Variants in SORCS1 observed in about 807,000 individuals in gnomAD.
SORCS1 encodes the protein sortilin related VPS10 domain containing receptor 1.
SORCS1 carries 60 observed loss-of-function variants against 146.1 expected under a neutral mutation model. The ratio of observed to expected loss-of-function variants is 0.41; its 90% CI spans 0.33 to 0.51. SORCS1 has a LOEUF of 0.51. SORCS1 is among the 20% of genes least tolerant of loss of function. The probability of loss-of-function intolerance (pLI) is 0.21; values close to 1 mark genes in which losing one functional copy is unlikely to be tolerated. For synonymous variants in SORCS1, 637 were observed against 584.0 expected, an observed-to-expected ratio of 1.09 and a Z score of -1.31; for missense variants, 1,352 against 1,487.6, an observed-to-expected ratio of 0.91 and a Z score of 1.50.
chr10:106,605,078 G>A (rs1303640441), intron 23 of SORCS1, among the ~76,000 whole-genome samples: 2 of 152,232 alleles, frequency 1.3e-5, no homozygotes, highest in Admixed American at 6.5e-5. Flanking sequence ...TTCTACATGT[G>A]TGCCAATTCT....
At chr10:107,121,196 C>T (rs1429593728) in intron 1 of SORCS1, among the ~76,000 whole-genome samples, 1 of 152,138 alleles carries the variant, frequency 6.6e-6, no homozygotes, top group Non-Finnish European at 1.5e-5. Context: ...CTCAGGGTTG[C>T]CACAGGATGC....
In SORCS1 at chr10:107,164,391, C is replaced by A; in HGVS notation, c.136G>T (p.Ala46Ser). The A allele has an allele frequency of 6.9e-7, 1 of 1,455,676 alleles. No homozygotes were observed. 90.2% of individuals were successfully genotyped at this position (1,455,676 alleles called of 1,614,324 possible). A position where few individuals can be genotyped will look rare whatever the true frequency, so the allele number is the denominator to read the frequency against. The change falls in exon 1 of 26, where the codon GCT (alanine) becomes TCT (serine). Residue 46 changes from alanine to serine, a missense_variant. This residue lies in a region of SORCS1 where 490 missense variants were observed against 489.1 expected (regional missense o/e 1.00). Transcript: ENST00000263054. This position sits in a 1 kb window ranked among gnomAD's most constrained non-coding sequence, Gnocchi z 6.8. ...SCCPSPHPSSAPRSASTPRGF... is the reference protein window; with the variant it reads ...SCCPSPHPSSSPRSASTPRGF... ...CTAGGGGTCGAGGCCGAGCGTGGAG[C>A]GGAGCTGGGGTGCGGCGAGGGGCAG...
intron 2 of SORCS1, among the ~76,000 whole-genome samples, chr10:106,915,493 C>T (rs1564806129): frequency 6.6e-6 from 1 of 152,154 alleles, no homozygotes; most frequent in Non-Finnish European, 1.5e-5. Context: ...CCACTGCCAT[C>T]CTGCCAACCT....
chr10:106,700,442 AAACAAACAAACGAAAACAAAGATTGC>A (rs6144078), intron 8 of SORCS1, among the ~76,000 whole-genome samples: 121,266 of 151,690 alleles, frequency 0.8, 51,038 homozygotes, highest in Non-Finnish European at 0.94. Context: ...TAAGTAACCA[AAACAAACAAACGAAAACAAAGATTGC>A]ATATAACCAC....
intron 3 of SORCS1, among the ~76,000 whole-genome samples, chr10:106,813,121 CTCTTT>C (rs1166215993): frequency 1.6e-4 from 23 of 145,550 alleles, no homozygotes; most frequent in East Asian, 7.9e-4. Context: ...TCTTTTTCTT[CTCTTT>C]TCTTTTTTTT....
chr10:106,852,728 T>C (rs1949641296), intron 2 of SORCS1, among the ~76,000 whole-genome samples: 1 of 152,182 alleles, frequency 6.6e-6, no homozygotes, highest in Non-Finnish European at 1.5e-5. Flanking sequence ...GTTTTGTTAT[T>C]TTCCCTCATC....
chr10:106,972,911 G>A (rs1452963649), intron 1 of SORCS1, among the ~76,000 whole-genome samples: 1 of 152,144 alleles, frequency 6.6e-6, no homozygotes, highest in Non-Finnish European at 1.5e-5. Flanking sequence ...TGGGGCTTGG[G>A]TAGTATGTAT....
chr10:106,916,142 T>A (rs1340610231), intron 2 of SORCS1, among the ~76,000 whole-genome samples: 1 of 152,212 alleles, frequency 6.6e-6, no homozygotes, highest in African/African-American at 2.4e-5. Context: ...GATCTGCACA[T>A]CCCAGTACTT....
At chr10:106,858,025 T>C (rs1190402293) in intron 2 of SORCS1, among the ~76,000 whole-genome samples, 1 of 152,186 alleles carries the variant, frequency 6.6e-6, no homozygotes, top group Non-Finnish European at 1.5e-5. Context: ...TGAGCTTCCC[T>C]CTCTTTCCTG....
chr10:107,022,214 T>C (rs1267375120), intron 1 of SORCS1, among the ~76,000 whole-genome samples: 1 of 152,172 alleles, frequency 6.6e-6, no homozygotes, highest in Non-Finnish European at 1.5e-5. Context: ...TTCTCTCTTC[T>C]ATTTAGGATG....
chr10:106,932,880 T>A (rs2138612662), intron 2 of SORCS1, among the ~76,000 whole-genome samples: 1 of 152,316 alleles, frequency 6.6e-6, no homozygotes, highest in South Asian at 2.1e-4. Context: ...ATAGAATGAT[T>A]ATCAATAGCT....
At chr10:107,145,917 G>A (rs1453372263) in intron 1 of SORCS1, among the ~76,000 whole-genome samples, 1 of 152,160 alleles carries the variant, frequency 6.6e-6, no homozygotes, top group East Asian at 1.9e-4. Flanking sequence ...TTTTAAGTCA[G>A]TGCCTTATTT....
chr10:107,121,626 A>C (rs1966418858), intron 1 of SORCS1, among the ~76,000 whole-genome samples: 1 of 152,212 alleles, frequency 6.6e-6, no homozygotes, highest in African/African-American at 2.4e-5. Flanking sequence ...GTAAAAAAAA[A>C]AAATCACAGG....
At chr10:106,898,911 C>T (rs891281464) in intron 2 of SORCS1, among the ~76,000 whole-genome samples, 1 of 152,176 alleles carries the variant, frequency 6.6e-6, no homozygotes, top group African/African-American at 2.4e-5. Context: ...GAACTCACTG[C>T]CTGGTCTTGA....
intron 9 of SORCS1, among the ~76,000 whole-genome samples, chr10:106,697,950 AT>A (rs2135730942): frequency 6.6e-6 from 1 of 152,332 alleles, no homozygotes; most frequent in Non-Finnish European, 1.5e-5. Flanking sequence ...ATGATATTGT[AT>A]TTATCTGAAA....
chr10:106,616,327 A>T lies in SORCS1; in HGVS notation c.2920+1822T>A, dbSNP rs149763476. Reference sequence around the variant, plus strand: ...AGGGAGAGAAAGGAAAAAAAAATCCAGTGAAAATAAATGAGAATCAGTTAA... The same window carrying T: ...AGGGAGAGAAAGGAAAAAAAAATCCTGTGAAAATAAATGAGAATCAGTTAA... On this transcript the variant is annotated intron_variant, in intron 21 of 25. Coordinates refer to ENST00000263054, the MANE Select transcript of SORCS1 (RefSeq NM_052918.5). Among the ~76,000 whole-genome samples, 156 of 152,306 alleles carry T rather than the reference A, an allele frequency of 1.0e-3. 2 individuals are homozygous for T. The East Asian group carries it at 0.026, about 25-fold the overall frequency.
chr10:106,872,971 G>A (rs576639380), intron 2 of SORCS1, among the ~76,000 whole-genome samples: 3 of 152,170 alleles, frequency 2.0e-5, no homozygotes, highest in African/African-American at 7.2e-5. Flanking sequence ...TCAGGAGTTC[G>A]AGACCAGCCT....
At chr10:106,736,688 C>T (rs571953668) in intron 5 of SORCS1, among the ~76,000 whole-genome samples, 1 of 135,070 alleles carries the variant, frequency 7.4e-6, no homozygotes, top group Non-Finnish European at 1.6e-5. Flanking sequence ...GTCTCGTCTG[C>T]GTCCAACACG....
At position 106,710,486 on chromosome 10, in the gene SORCS1, C is replaced by CTT. The variant is rs148824229; in HGVS notation, c.1025-1147_1025-1146dup. ...TTGGGAGGAGTTCCTTGAGTTAAGA[C>CTT]TTTGCTTTTACTTTACAATTGAATC... is the stretch of plus-strand genomic sequence containing the variant. On this transcript the variant is annotated intron_variant, in intron 6 of 25. Transcript: ENST00000263054. Among the ~76,000 whole-genome samples the CTT allele has an allele frequency of 4.3e-4, 64 of 149,140 alleles. 3 individuals carry two copies. In the East Asian group the frequency reaches 0.013, roughly 30 times the overall value.
Sources: allele counts gnomAD v4.1 joint callset (sites outside exome capture counted in the v4.1 genomes callset), GRCh38; gene constraint gnomAD v4.1.1; regional missense constraint gnomAD v4.1.1; non-coding constraint Gnocchi (gnomAD v3.1); transcripts MANE v1.5; gene names NCBI Gene and HGNC (gene_info 2026-07-23, HGNC 2026-07-21).